The following PRKD1 variants were observed in gnomAD, a reference collection of about 807,000 sequenced individuals.
PRKD1 encodes serine/threonine-protein kinase D1.
PRKD1 carries 63 observed loss-of-function variants against 95.9 expected under a neutral mutation model. The observed-to-expected ratio is 0.66, with a 90% CI of 0.54 to 0.81. The LOEUF (loss-of-function observed/expected upper bound fraction) is 0.81. Ranked by LOEUF, PRKD1 falls within the 30% of genes least tolerant of loss-of-function variation. PRKD1 has a pLI of 0.00. For missense variants in PRKD1, 1,048 were observed against 1,165.3 expected (o/e 0.90, Z 1.47); for synonymous variants, 425 against 423.1 (o/e 1.00, Z -0.05).
chr14:29,849,669 C>CA (rs1892226351), intron 1 of PRKD1, among the ~76,000 whole-genome samples: 1 of 151,882 alleles, frequency 6.6e-6, no homozygotes, highest in South Asian at 2.1e-4. Flanking sequence ...GTACCAATCC[C>CA]ACCGAAACTA....
chr14:29,927,105 C>G (rs867060986), intron 1 of PRKD1, 144 bp downstream of exon 1: 1 of 855,836 alleles, frequency 1.2e-6, no homozygotes, highest in Middle Eastern at 4.1e-4. Context: ...CCAGCCGCGG[C>G]GGGGCCAGCC....
At chr14:29,640,117 C>G (rs1161649566) in intron 4 of PRKD1, among the ~76,000 whole-genome samples, 1 of 152,040 alleles carries the variant, frequency 6.6e-6, no homozygotes, top group South Asian at 2.1e-4. Flanking sequence ...GTATTAGGTG[C>G]CTTAAAAGAC....
intron 1 of PRKD1, among the ~76,000 whole-genome samples, chr14:29,834,901 G>A (rs1018409021): frequency 2.0e-5 from 3 of 152,084 alleles, no homozygotes; most frequent in Non-Finnish European, 4.4e-5. Flanking sequence ...CATTTACTCA[G>A]AGAACTCCAT....
chr14:29,653,387 G>A (rs2139183232), intron 4 of PRKD1, among the ~76,000 whole-genome samples: 1 of 152,090 alleles, frequency 6.6e-6, no homozygotes, highest in Middle Eastern at 3.4e-3. Context: ...TAACTTCAAA[G>A]CTAAATTAGT....
intron 1 of PRKD1, among the ~76,000 whole-genome samples, chr14:29,869,796 A>G (rs73261547): frequency 0.034 from 5,208 of 152,222 alleles, 316 homozygotes; most frequent in African/African-American, 0.12. Context: ...ATTTTTCTAC[A>G]TTAAACACCC....
At chr14:29,663,622 C>T in intron 4 of PRKD1, 77 bp downstream of exon 4, 1 of 1,528,144 alleles carries the variant, frequency 6.5e-7, no homozygotes, top group Non-Finnish European at 9.0e-7. Context: ...AGCGCCCTGT[C>T]TTGGATTGAC....
intron 1 of PRKD1, among the ~76,000 whole-genome samples, chr14:29,856,346 A>G (rs1216773824): frequency 6.6e-6 from 1 of 152,208 alleles, no homozygotes; most frequent in Non-Finnish European, 1.5e-5. Flanking sequence ...AAATTAATGC[A>G]GCCAATTGTT....
rs1369510669 is a variant in PRKD1 at position 29,663,770 on chromosome 14, G to T, written c.625C>A (p.Leu209Ile). ...VRRRRLSNVS[L>I]TGVSTIRTSS... ...GTGCGGATGGTGCTGACCCCAGTGA[G>T]GGAAACGTTTGAGAGCCTTCTCCGC... The change falls in exon 4 of 18, where the codon CTC (leucine) becomes ATC (isoleucine). Residue 209 changes from leucine (L) to isoleucine (I), a missense_variant. Coordinates refer to ENST00000331968, the MANE Select transcript of PRKD1 (RefSeq NM_002742.3). The T allele has an allele frequency of 1.9e-6, 3 of 1,614,052 alleles. No homozygotes were observed. The highest frequency in any genetic ancestry group is 8.5e-7 in the Non-Finnish European group (1 of 1,179,974).
intron 10 of PRKD1, among the ~76,000 whole-genome samples, chr14:29,629,561 A>C (rs1188912770): frequency 1.3e-5 from 2 of 152,222 alleles, no homozygotes; most frequent in Non-Finnish European, 2.9e-5. Context: ...TAAATTAAAA[A>C]ATTATGACAG....
chr14:29,927,547 CG>C lies in PRKD1; in HGVS notation c.-36del. On this transcript the variant is annotated 5_prime_UTR_variant, in exon 1 of 18. Transcript: ENST00000331968. ...GGGCGCAGGGCCGGGCAGCGGAGGGCGGGGGCTGGCGGCGCGGCAGCAGGAA... is the reference window on the plus strand; with the variant it reads ...GGGCGCAGGGCCGGGCAGCGGAGGGCGGGGCTGGCGGCGCGGCAGCAGGAA... The C allele has an allele frequency of 1.8e-6, 2 of 1,133,762 alleles. No individual in the cohort carries two copies. Among genetic ancestry groups the C allele is most frequent in the Admixed American group, 4.9e-5 (1 of 20,538 alleles). 70.2% of individuals were successfully genotyped at this position (1,133,762 alleles called of 1,614,324 possible). A position where few individuals can be genotyped will look rare whatever the true frequency, so the allele number is the denominator to read the frequency against.
chr14:29,865,038 G>A (rs964161233), intron 1 of PRKD1, among the ~76,000 whole-genome samples: 1 of 152,124 alleles, frequency 6.6e-6, no homozygotes, highest in South Asian at 2.1e-4. Flanking sequence ...CAAGTCACAT[G>A]TGCCAACAAC....
At chr14:29,599,342 T>A (rs1158265127) in intron 14 of PRKD1, among the ~76,000 whole-genome samples, 4 of 152,174 alleles carry the variant, frequency 2.6e-5, no homozygotes, top group Non-Finnish European at 5.9e-5. Flanking sequence ...CAGATGTAGA[T>A]AAAAGACCTA....
chr14:29,837,402 GC>G (rs1380804239), intron 1 of PRKD1, among the ~76,000 whole-genome samples: 3 of 152,008 alleles, frequency 2.0e-5, no homozygotes, highest in Non-Finnish European at 4.4e-5. Flanking sequence ...ATAAATACTA[GC>G]CATTAGCACT....
intron 1 of PRKD1, among the ~76,000 whole-genome samples, chr14:29,821,875 C>A (rs960633641): frequency 4.6e-5 from 7 of 152,058 alleles, no homozygotes; most frequent in Non-Finnish European, 8.8e-5. Flanking sequence ...CACACACACA[C>A]CCACACACAA....
chr14:29,602,456 G>A (rs1256280059), intron 13 of PRKD1, among the ~76,000 whole-genome samples: 1 of 143,572 alleles, frequency 7.0e-6, no homozygotes, highest in African/African-American at 2.6e-5. Flanking sequence ...TTTTGACGGA[G>A]TTTCACTCTT....
chr14:29,577,589 G>T, intron 17 of PRKD1, 133 bp from the exon 18 acceptor site: 1 of 838,124 alleles, frequency 1.2e-6, no homozygotes, highest in South Asian at 1.6e-5. Context: ...CTTTCATCAC[G>T]CATCCTCAAG....
intron 1 of PRKD1, among the ~76,000 whole-genome samples, chr14:29,733,087 T>A (rs146518660): frequency 0.01 from 1,523 of 149,840 alleles, 27 homozygotes; most frequent in African/African-American, 0.033. Context: ...CTTTTTTTAT[T>A]TTTTTAATTT....
At chr14:29,603,180 T>C (rs1468602786) in intron 13 of PRKD1, among the ~76,000 whole-genome samples, 1 of 152,218 alleles carries the variant, frequency 6.6e-6, no homozygotes, top group African/African-American at 2.4e-5. Context: ...TATTTACACT[T>C]TACAGTTTTC....
Position 29,927,406 on chromosome 14 carries a change from G to GTGGGCC in PRKD1, c.106_107insGGCCCA (p.Ala36delinsGlyProThr). The GTGGGCC allele has an allele frequency of 6.6e-7, 1 of 1,509,326 alleles. No individual in the cohort carries two copies. The highest frequency in any genetic ancestry group is 8.8e-7 in the Non-Finnish European group (1 of 1,130,912). The allele number at this position is 1,509,326 out of a possible 1,614,324, so 93.5% of individuals were successfully genotyped here. ...GGCCGCGACAGGAGCCAAGAACGGC[G>GTGGGCC]CGGGCCCGGGCCCGGACCCTGGGAC... On this transcript the variant is annotated protein_altering_variant, in exon 1 of 18. Transcript: ENST00000331968.
Sources: gnomAD v4.1 joint callset for allele counts (sites outside exome capture counted in the v4.1 genomes callset) on GRCh38, gnomAD v4.1.1 for gene constraint, MANE v1.5 for transcripts, NCBI Gene and HGNC (gene_info 2026-07-23, HGNC 2026-07-21) for gene names.